The following PLSCR2 variants were observed in gnomAD, a reference collection of about 807,000 sequenced individuals.
The protein encoded by PLSCR2 is PL scramblase 2.
In PLSCR2, 18 loss-of-function variants were observed where a neutral mutation model predicts 25.3. That is an observed-to-expected ratio of 0.71 (90% CI 0.49 to 1.06). The LOEUF is 1.06. PLSCR2 is among the 50% of genes least tolerant of loss of function. The probability of loss-of-function intolerance (pLI) is 0.00; values close to 1 mark genes in which losing one functional copy is unlikely to be tolerated. For synonymous variants in PLSCR2, 88 were observed against 87.3 expected (o/e 1.01, Z -0.04); for missense variants, 243 against 269.5 (o/e 0.90, Z 0.69).
At chr3:146,460,542 G>T (rs904518296), upstream of PLSCR2, among the ~76,000 whole-genome samples, 3 of 151,760 alleles carry the variant, frequency 2.0e-5, no homozygotes, top group African/African-American at 4.8e-5. Context: ...TATAACAAAT[G>T]ACATATCCTA....
At chr3:146,454,566 G>A (rs2041088109) in intron 4 of PLSCR2, among the ~76,000 whole-genome samples, 1 of 152,152 alleles carries the variant, frequency 6.6e-6, no homozygotes, top group Non-Finnish European at 1.5e-5. Flanking sequence ...AGGCAGATAT[G>A]GTGTTGCGCC....
chr3:146,469,787 CA>C (rs78594520), intron 1 of PLSCR2, among the ~76,000 whole-genome samples: 72,649 of 143,822 alleles, frequency 0.51, 18,142 homozygotes, highest in Admixed American at 0.62. Context: ...CCCACCCCCC[CA>C]CGCCGTGTGC....
At chr3:146,461,869 C>G, upstream of PLSCR2, 3 of 1,331,368 alleles carry the variant, frequency 2.3e-6, no homozygotes. Flanking sequence ...GTTCCATGAT[C>G]TCATATATAT....
chr3:146,471,721 T>C (rs540183652), intron 1 of PLSCR2, among the ~76,000 whole-genome samples: 35 of 152,182 alleles, frequency 2.3e-4, no homozygotes, highest in African/African-American at 7.7e-4. Context: ...CATATGCCAC[T>C]ATGCCCTGCT....
chr3:146,472,590 C>G (rs2042155910), intron 1 of PLSCR2, among the ~76,000 whole-genome samples: 1 of 152,066 alleles, frequency 6.6e-6, no homozygotes, highest in South Asian at 2.1e-4. Flanking sequence ...CGAGGGATCT[C>G]TCTAAGATTG....
chr3:146,462,564 C>G (rs1354746317), upstream of PLSCR2, among the ~76,000 whole-genome samples: 1 of 151,298 alleles, frequency 6.6e-6, no homozygotes, highest in African/African-American at 2.4e-5. Flanking sequence ...CTCCTGCGTT[C>G]AAGCGATTCT....
Position 146,427,012 on chromosome 3 carries a change from A to G in PLSCR2, c.101-31091T>C, listed in dbSNP as rs1393617177. On this transcript the variant is annotated intron_variant and NMD_transcript_variant, in intron 2 of 3. Transcript: ENST00000463633. ...ATAGTAGTAGTAAACTTCACCCTCA[A>G]TTTATTTAAAAGAATGCATGCATTT... 3.9e-5 allele frequency among the ~76,000 whole-genome samples: 6 copies of G among 152,334 alleles called. No homozygotes were observed. In the South Asian group the frequency reaches 1.2e-3, roughly 32 times the overall value.
chr3:146,455,212 G>A, intron 4 of PLSCR2, 27 bp downstream of exon 4: 1 of 1,470,716 alleles, frequency 6.8e-7, no homozygotes, highest in Non-Finnish European at 9.5e-7. Flanking sequence ...ACTACTTTAT[G>A]AAAAGCTCTA....
chr3:146,475,764 T>C (rs2042265054), intron 1 of PLSCR2, among the ~76,000 whole-genome samples: 1 of 152,148 alleles, frequency 6.6e-6, no homozygotes, highest in Admixed American at 6.5e-5. Context: ...ATTTCAAAGA[T>C]CCAATAGATG....
At chr3:146,453,827 T>C (rs963188495) in intron 5 of PLSCR2, among the ~76,000 whole-genome samples, 175 bp downstream of exon 5, 1 of 152,208 alleles carries the variant, frequency 6.6e-6, no homozygotes, top group African/African-American at 2.4e-5. Flanking sequence ...TCATTATCAA[T>C]ATTGACCTTT....
intron 5 of PLSCR2, among the ~76,000 whole-genome samples, chr3:146,453,172 G>A (rs1037680144): frequency 6.6e-6 from 1 of 151,946 alleles, no homozygotes; most frequent in Non-Finnish European, 1.5e-5. Flanking sequence ...GAATGAAACT[G>A]GATAGTGCTA....
intron 2 of PLSCR2, among the ~76,000 whole-genome samples, chr3:146,423,575 G>C (rs2039234477): frequency 6.6e-6 from 1 of 151,686 alleles, no homozygotes; most frequent in Non-Finnish European, 1.5e-5. Context: ...TTCTAGTAAA[G>C]AGCTTTAATA....
chr3:146,490,460 C>T (rs77019895), intron 1 of PLSCR2, among the ~76,000 whole-genome samples: 4,204 of 152,100 alleles, frequency 0.028, 163 homozygotes, highest in African/African-American at 0.09. Context: ...GAAGACTCCC[C>T]CTATTATTGT....
chr3:146,436,097 A>G (rs1228805388), intron 8 of PLSCR2, among the ~76,000 whole-genome samples: 1 of 151,972 alleles, frequency 6.6e-6, no homozygotes, highest in African/African-American at 2.4e-5. Flanking sequence ...GTGTGGTATT[A>G]TTTCTGAGGG....
At chr3:146,450,657 T>C (rs1447733337) in intron 5 of PLSCR2, among the ~76,000 whole-genome samples, 3 of 152,234 alleles carry the variant, frequency 2.0e-5, no homozygotes, top group Non-Finnish European at 4.4e-5. Flanking sequence ...CTGCTACATA[T>C]CCAGAGTGAA....
At chr3:146,404,279 A>G (rs2038575932) in intron 2 of PLSCR2, among the ~76,000 whole-genome samples, 1 of 152,206 alleles carries the variant, frequency 6.6e-6, no homozygotes, top group Admixed American at 6.5e-5. Flanking sequence ...TGCAGCACCA[A>G]AACTTTATAA....
chr3:146,465,481 T>G (rs7617214), intron 1 of PLSCR2, among the ~76,000 whole-genome samples: 87,225 of 151,200 alleles, frequency 0.58, 25,570 homozygotes, highest in South Asian at 0.76. Context: ...TACTATGCCT[T>G]TAACATAGAC....
chr3:146,466,261 C>T (rs2041862342), intron 1 of PLSCR2, among the ~76,000 whole-genome samples: 1 of 152,190 alleles, frequency 6.6e-6, no homozygotes, highest in Non-Finnish European at 1.5e-5. Context: ...ACCTCTGCCT[C>T]CTAGGTTCAA....
chr3:146,479,359 G>C (rs1482129560), intron 1 of PLSCR2, among the ~76,000 whole-genome samples: 1 of 152,162 alleles, frequency 6.6e-6, no homozygotes, highest in African/African-American at 2.4e-5. Context: ...CTCACGTGCA[G>C]AGACACACAT....
Sources: gnomAD v4.1 joint callset for allele counts (sites outside exome capture counted in the v4.1 genomes callset) on GRCh38, gnomAD v4.1.1 for gene constraint, MANE v1.5 for transcripts, NCBI Gene and HGNC (gene_info 2026-07-23, HGNC 2026-07-21) for gene names.